The following ADAP1 variants were observed in gnomAD, a reference collection of about 807,000 sequenced individuals.
The protein encoded by ADAP1 is arf-GAP with dual PH domain-containing protein 1.
In ADAP1, 31 loss-of-function variants were observed where a neutral mutation model predicts 54.9. The observed-to-expected ratio is 0.56, with a 90% CI of 0.42 to 0.76. ADAP1 has a LOEUF of 0.76. Ranked by LOEUF, ADAP1 falls within the 30% of genes least tolerant of loss-of-function variation. ADAP1 has a pLI of 0.00. For missense variants in ADAP1, 535 were observed against 512.4 expected (o/e 1.04, Z -0.42); for synonymous variants, 313 against 202.6 (o/e 1.55, Z -4.63).
chr7:898,763 T>C lies in ADAP1; in HGVS notation c.*158A>G. On this transcript the variant is annotated 3_prime_UTR_variant, in exon 11 of 11. Coordinates refer to ENST00000265846, the MANE Select transcript of ADAP1 (RefSeq NM_006869.4). Reference sequence around the variant, plus strand: ...CCTGCCTTGAGGTTCCAGAGAAGCATCCTGGAAGCTGAAGCTCGGGCCCTA... The same window carrying C: ...CCTGCCTTGAGGTTCCAGAGAAGCACCCTGGAAGCTGAAGCTCGGGCCCTA... The C allele has an allele frequency of 1.1e-6, 1 of 922,798 alleles. No individual in the cohort carries two copies. The highest frequency in any genetic ancestry group is 1.6e-6 in the Non-Finnish European group (1 of 606,824). The allele number at this position is 922,798 out of a possible 1,614,324, so 57.2% of individuals were successfully genotyped here. A position where few individuals can be genotyped will look rare whatever the true frequency, so the allele number is the denominator to read the frequency against.
intron 4 of ADAP1, among the ~76,000 whole-genome samples, chr7:908,320 A>AT (rs1202477193): frequency 1.3e-5 from 2 of 152,014 alleles, no homozygotes; most frequent in Non-Finnish European, 2.9e-5. Flanking sequence ...ACCAGGGGCT[A>AT]TTTTCTCTGC....
Position 920,849 on chromosome 7 carries a change from A to C in ADAP1, c.306-799T>G, listed in dbSNP as rs1010057482. 9.2e-5 allele frequency: 143 copies of C among 1,550,262 alleles called. 1 individual carries two copies. The East Asian group carries it at 3.3e-3, about 36-fold the overall frequency. ...CACAGGCCCGGCACGGCCCAGGTGCACAGGCAGCCGCCCCAGCCTTTTCCA... is the reference window on the plus strand; with the variant it reads ...CACAGGCCCGGCACGGCCCAGGTGCCCAGGCAGCCGCCCCAGCCTTTTCCA... On this transcript the variant is annotated intron_variant, in intron 3 of 10. Coordinates refer to ENST00000265846, the MANE Select transcript of ADAP1 (RefSeq NM_006869.4). The surrounding 1 kb of genome is among the most constrained non-coding windows in gnomAD (Gnocchi z 4.5).
Position 945,651 on chromosome 7 carries a change from C to T in ADAP1, c.82+8745G>A. The T allele has an allele frequency of 3.6e-6, 3 of 831,138 alleles. No individual in the cohort carries two copies. The highest frequency in any genetic ancestry group is 4.4e-6 in the Non-Finnish European group (3 of 689,222). The allele number at this position is 831,138 out of a possible 1,614,324, so 51.5% of individuals were successfully genotyped here. ...AGGGGCAGGCCCAAGACTCCAGCCCCCACAAACATCCAGGCTGCCAGCACC... is the reference window on the plus strand; with the variant it reads ...AGGGGCAGGCCCAAGACTCCAGCCCTCACAAACATCCAGGCTGCCAGCACC... On this transcript the variant is annotated intron_variant, in intron 1 of 10. Coordinates refer to ENST00000265846, the MANE Select transcript of ADAP1 (RefSeq NM_006869.4). This position sits in a 1 kb window ranked among gnomAD's most constrained non-coding sequence, Gnocchi z 4.2.
intron 3 of ADAP1, among the ~76,000 whole-genome samples, chr7:921,217 C>G (rs933910389): frequency 6.6e-6 from 1 of 152,202 alleles, no homozygotes; most frequent in African/African-American, 2.4e-5. Context: ...CCAGTGCCCC[C>G]ACCTCGGCGC....
intron 4 of ADAP1, among the ~76,000 whole-genome samples, chr7:906,105 AGGGAGAAAGGAGAAAG>A (rs1845284844): frequency 3.4e-4 from 1 of 2,968 alleles, no homozygotes. Flanking sequence ...GAAAGGAGAA[AGGGAGAAAGGAGAAAG>A]GGAGAAAGGA....
At chr7:900,685 G>GGGGTCCCCACAGAGGGGCTA (rs1278850985) in intron 6 of ADAP1, 69 bp from the exon 7 acceptor site, 3 of 1,421,898 alleles carry the variant, frequency 2.1e-6, no homozygotes, top group East Asian at 4.8e-5. Context: ...CAGAGGGGCT[G>GGGGTCCCCACAGAGGGGCTA]GGGTCCCCAC....
In ADAP1 at chr7:920,837, C is replaced by T. The variant is rs1307805563; in HGVS notation, c.306-787G>A. 83 of 1,550,106 alleles carry T rather than the reference C, an allele frequency of 5.4e-5. No homozygotes were observed. Among genetic ancestry groups the T allele is most frequent in the Admixed American group, 3.9e-4 (20 of 50,970 alleles). On this transcript the variant is annotated intron_variant, in intron 3 of 10. Transcript: ENST00000265846. The surrounding 1 kb of genome is among the most constrained non-coding windows in gnomAD (Gnocchi z 4.5). The stretch of plus-strand genomic sequence containing the variant: ...CCACGACCCACACACAGGCCCGGCA[C>T]GGCCCAGGTGCACAGGCAGCCGCCC...
intron 1 of ADAP1, among the ~76,000 whole-genome samples, chr7:953,976 C>G (rs1583194756): frequency 6.6e-6 from 1 of 152,164 alleles, no homozygotes; most frequent in African/African-American, 2.4e-5. Context: ...GAGGTGGCCC[C>G]GGAGCCGGCG....
chr7:935,568 G>C (rs141953309), intron 1 of ADAP1, 63 bp from the exon 2 acceptor site: 12 of 1,537,342 alleles, frequency 7.8e-6, no homozygotes, highest in Middle Eastern at 3.5e-4. Flanking sequence ...GAGGGTGGAC[G>C]GAGCCTCGAG....
At chr7:918,936 G>C (rs115615059) in intron 4 of ADAP1, among the ~76,000 whole-genome samples, 1 of 44,912 alleles carries the variant, frequency 2.2e-5, no homozygotes, top group African/African-American at 1.7e-4. Context: ...CTGGGGGGCA[G>C]AGTTGGGGAC....
intron 4 of ADAP1, among the ~76,000 whole-genome samples, chr7:918,222 C>T (rs1386842841): frequency 6.6e-6 from 1 of 152,068 alleles, no homozygotes; most frequent in Admixed American, 6.5e-5. Context: ...GTGCCCGACC[C>T]TTTTTTGTTT....
At chr7:954,348 G>GCC in intron 1 of ADAP1, 48 bp downstream of exon 1, 15 of 951,326 alleles carry the variant, frequency 1.6e-5, no homozygotes, top group Non-Finnish European at 1.8e-5. Flanking sequence ...GGCACCCCGC[G>GCC]CCCACCCCGG....
chr7:934,683 G>C (rs1197218851), intron 2 of ADAP1, among the ~76,000 whole-genome samples: 1 of 152,138 alleles, frequency 6.6e-6, no homozygotes, highest in Non-Finnish European at 1.5e-5. Flanking sequence ...GTCTCCCTAC[G>C]GGGCCCTTCC....
In ADAP1 at chr7:945,699, T is replaced by C; in HGVS notation, c.82+8697A>G. On this transcript the variant is annotated intron_variant, in intron 1 of 10. Transcript: ENST00000265846. This position sits in a 1 kb window ranked among gnomAD's most constrained non-coding sequence, Gnocchi z 4.2. ...ACCGTCTCCAGGAGCTGCCTCCTCC[T>C]CGGAGACTGCCCACAGCCGCCAGCC... 4.1e-6 allele frequency: 4 copies of C among 975,420 alleles called. No homozygotes were observed. The highest frequency in any genetic ancestry group is 4.9e-6 in the Non-Finnish European group (4 of 820,754). The allele number at this position is 975,420 out of a possible 1,614,324, so 60.4% of individuals were successfully genotyped here.
chr7:918,546 AGGGCAGTG>A (rs554901902), intron 4 of ADAP1, among the ~76,000 whole-genome samples: 62 of 152,270 alleles, frequency 4.1e-4, no homozygotes, highest in African/African-American at 1.5e-3. Context: ...CTCTTACACA[AGGGCAGTG>A]GGGGCAGTGC....
chr7:900,014 C>A, intron 8 of ADAP1, 88 bp downstream of exon 8: 1 of 1,480,866 alleles, frequency 6.8e-7, no homozygotes. Context: ...AAAACACAGG[C>A]GGCAGCTGGC....
chr7:941,511 C>G (rs2128110251), intron 1 of ADAP1, among the ~76,000 whole-genome samples: 1 of 152,206 alleles, frequency 6.6e-6, no homozygotes, highest in Non-Finnish European at 1.5e-5. Context: ...TATACACTAG[C>G]AACAAGCATT....
At chr7:942,349 A>AG (rs1156860292) in intron 1 of ADAP1, among the ~76,000 whole-genome samples, 2 of 113,382 alleles carry the variant, frequency 1.8e-5, no homozygotes, top group African/African-American at 3.5e-5. Context: ...AGGAAGGGAG[A>AG]GAGGAAGAGG....
At chr7:905,568 GAAAGGAGA>G (rs1845170901) in intron 4 of ADAP1, 1 of 20,786 alleles carries the variant, frequency 4.8e-5, no homozygotes. Context: ...GGAGAAAGGA[GAAAGGAGA>G]AAGGAGAAAG....
Sources: allele counts gnomAD v4.1 joint callset (sites outside exome capture counted in the v4.1 genomes callset), GRCh38; gene constraint gnomAD v4.1.1; non-coding constraint Gnocchi (gnomAD v3.1); transcripts MANE v1.5; gene names NCBI Gene and HGNC (gene_info 2026-07-23, HGNC 2026-07-21).